Variants in GRM5 observed in about 807,000 individuals in gnomAD.
GRM5 encodes glutamate metabotropic receptor 5, also known as metabotropic glutamate receptor 5.
A neutral mutation model predicts 83.1 loss-of-function variants in GRM5; 19 were observed. The ratio of observed to expected loss-of-function variants is 0.23; its 90% CI spans 0.16 to 0.34. GRM5 has a LOEUF of 0.34. Among genes scored for constraint, GRM5 ranks in the 10% least tolerant of loss-of-function variants. GRM5 has a pLI of 1.00. For synonymous variants in GRM5, 675 were observed against 633.6 expected (o/e 1.07, Z -0.98); for missense variants, 1,160 against 1,588.3 (o/e 0.73, Z 4.58).
chr11:88,946,686 A>G (rs1360344529), intron 2 of GRM5, among the ~76,000 whole-genome samples: 1 of 152,158 alleles, frequency 6.6e-6, no homozygotes, highest in Non-Finnish European at 1.5e-5. Flanking sequence ...TGGGAGAAAC[A>G]GTTGAAAAAT....
At chr11:88,938,362 C>T (rs1937970655) in intron 2 of GRM5, among the ~76,000 whole-genome samples, 3 of 151,440 alleles carry the variant, frequency 2.0e-5, no homozygotes, top group East Asian at 3.9e-4. Context: ...ATGGGAGAGA[C>T]ATCTTTTATA....
At chr11:88,647,824 C>A (rs1349357880) in intron 4 of GRM5, among the ~76,000 whole-genome samples, 4 of 152,002 alleles carry the variant, frequency 2.6e-5, no homozygotes, top group Non-Finnish European at 5.9e-5. Context: ...ACAAACAACC[C>A]CATCAAAAAG....
At chr11:88,829,230 G>T (rs1362787709) in intron 3 of GRM5, among the ~76,000 whole-genome samples, 1 of 152,182 alleles carries the variant, frequency 6.6e-6, no homozygotes, top group Non-Finnish European at 1.5e-5. Context: ...GGAGGACAAG[G>T]CAGGCAGATC....
intron 2 of GRM5, among the ~76,000 whole-genome samples, chr11:88,992,444 T>C (rs952419809): frequency 1.1e-4 from 16 of 152,302 alleles, no homozygotes; most frequent in African/African-American, 3.6e-4. Context: ...TCAACCATTG[T>C]GGAAGTCAGT....
intron 2 of GRM5, among the ~76,000 whole-genome samples, chr11:88,987,840 C>A (rs1394850976): frequency 6.6e-6 from 1 of 151,388 alleles, no homozygotes; most frequent in Non-Finnish European, 1.5e-5. Flanking sequence ...AAAGGACATG[C>A]ACACCAAAAA....
At chr11:88,932,298 T>A (rs1333973280) in intron 2 of GRM5, among the ~76,000 whole-genome samples, 1 of 152,092 alleles carries the variant, frequency 6.6e-6, no homozygotes, top group Non-Finnish European at 1.5e-5. Context: ...TTAAAAAGAA[T>A]CTTATGTTAG....
chr11:88,581,265 A>C (rs1943208794), intron 7 of GRM5, among the ~76,000 whole-genome samples: 1 of 152,210 alleles, frequency 6.6e-6, no homozygotes, highest in Non-Finnish European at 1.5e-5. Flanking sequence ...GTAGAGTGAT[A>C]ATAGTATTCT....
intron 8 of GRM5, among the ~76,000 whole-genome samples, chr11:88,561,863 C>T (rs567149015): frequency 6.6e-6 from 1 of 152,184 alleles, no homozygotes; most frequent in African/African-American, 2.4e-5. Context: ...TAGGTTGAGC[C>T]AATTTAACTT....
intron 2 of GRM5, among the ~76,000 whole-genome samples, chr11:88,920,207 G>A (rs1041429029): frequency 6.6e-6 from 1 of 151,772 alleles, no homozygotes. Context: ...TGAAAAAGGT[G>A]ATATTACAAC....
intron 3 of GRM5, among the ~76,000 whole-genome samples, chr11:88,809,234 G>A (rs1004939889): frequency 3.3e-5 from 5 of 152,008 alleles, no homozygotes; most frequent in Non-Finnish European, 7.4e-5. Context: ...CTGGAGGAGA[G>A]GAGGTGATAA....
intron 3 of GRM5, among the ~76,000 whole-genome samples, chr11:88,769,419 T>A (rs928043588): frequency 6.6e-6 from 1 of 152,040 alleles, no homozygotes; most frequent in Non-Finnish European, 1.5e-5. Context: ...ACTAGAGCAG[T>A]AATGAGTATA....
chr11:88,550,628 T>C (rs1292372921), intron 8 of GRM5, among the ~76,000 whole-genome samples: 2 of 152,132 alleles, frequency 1.3e-5, no homozygotes, highest in Admixed American at 1.3e-4. Context: ...AGTGGCTTTA[T>C]ATCTTCTGAA....
intron 2 of GRM5, among the ~76,000 whole-genome samples, chr11:89,017,740 G>A (rs1940894734): frequency 6.6e-6 from 1 of 152,160 alleles, no homozygotes; most frequent in African/African-American, 2.4e-5. Context: ...ATGCACTGTT[G>A]CTTCCTGTTA....
intron 2 of GRM5, among the ~76,000 whole-genome samples, chr11:88,923,448 C>G (rs1162888625): frequency 6.6e-6 from 1 of 151,972 alleles, no homozygotes; most frequent in African/African-American, 2.4e-5. Context: ...AAGCCAAGCA[C>G]AGAAAGACAA....
At chr11:88,773,364 TG>T (rs769124509) in intron 3 of GRM5, among the ~76,000 whole-genome samples, 3 of 152,202 alleles carry the variant, frequency 2.0e-5, no homozygotes, top group Admixed American at 6.5e-5. Flanking sequence ...CTTCGTCAGG[TG>T]GGTAGATTGC....
intron 8 of GRM5, among the ~76,000 whole-genome samples, chr11:88,560,284 C>T (rs1381545978): frequency 6.6e-6 from 1 of 152,128 alleles, no homozygotes; most frequent in Non-Finnish European, 1.5e-5. Flanking sequence ...ATCTTTTAAA[C>T]ATTATTTCTA....
chr11:89,022,789 G>T (rs146267719), intron 2 of GRM5, among the ~76,000 whole-genome samples: 16 of 152,176 alleles, frequency 1.1e-4, no homozygotes, highest in African/African-American at 3.4e-4. Context: ...GCATTATAAG[G>T]TCCTTTAGTA....
At chr11:88,970,943 C>T (rs1041832919) in intron 2 of GRM5, among the ~76,000 whole-genome samples, 1 of 152,130 alleles carries the variant, frequency 6.6e-6, no homozygotes. Context: ...CCTTTCCCTA[C>T]TTCTCCCCTT....
At chr11:88,687,310 T>TA (rs71470773) in intron 3 of GRM5, among the ~76,000 whole-genome samples, 21,700 of 148,388 alleles carry the variant, frequency 0.15, 1,980 homozygotes, top group Middle Eastern at 0.22. Flanking sequence ...CTGTCTCTAC[T>TA]AAAAAAAATA....
Sources: gnomAD v4.1 joint callset for allele counts (sites outside exome capture counted in the v4.1 genomes callset) on GRCh38, gnomAD v4.1.1 for gene constraint, MANE v1.5 for transcripts, NCBI Gene and HGNC (gene_info 2026-07-23, HGNC 2026-07-21) for gene names.